PMP2: variants seen among roughly 807,000 people sequenced by gnomAD.
PMP2 encodes the protein peripheral myelin protein 2.
In PMP2, 11 loss-of-function variants were observed where a neutral mutation model predicts 15.9. The observed-to-expected ratio is 0.69, with a 90% CI of 0.44 to 1.14. The LOEUF (loss-of-function observed/expected upper bound fraction) is 1.14. Among genes scored for constraint, PMP2 ranks in the 50% most tolerant of loss-of-function variants. The pLI, the probability that PMP2 is intolerant of heterozygous loss-of-function variation, is 0.00. For synonymous variants in PMP2, 55 were observed against 54.1 expected, an observed-to-expected ratio of 1.02 and a Z score of -0.07; for missense variants, 151 against 154.0, an observed-to-expected ratio of 0.98 and a Z score of 0.10.
intron 3 of PMP2, among the ~76,000 whole-genome samples, chr8:81,443,700 A>G (rs1269802719): frequency 6.6e-6 from 1 of 152,166 alleles, no homozygotes; most frequent in Non-Finnish European, 1.5e-5. Context: ...TTGCATTTAA[A>G]TCTAATAAGA....
rs1193506905 is a variant in PMP2 at position 81,440,825 on chromosome 8, T to C, written c.*2573A>G. ...TGTTTCTGAATTTTTTGAGAGTAGA[T>C]TGCATACATTATGGCCCTTTACCTC... On this transcript the variant is annotated 3_prime_UTR_variant, in exon 4 of 4. Coordinates refer to ENST00000256103, the MANE Select transcript of PMP2 (RefSeq NM_002677.5). The C allele has an allele frequency of 6.6e-6, 1 of 152,238 alleles. No individual in the cohort carries two copies. Among genetic ancestry groups the C allele is most frequent in the East Asian group, 1.9e-4 (1 of 5,202 alleles). The allele number at this position is 152,238 out of a possible 1,614,324, so 9.4% of individuals were successfully genotyped here.
At chr8:81,444,080 G>T (rs1276663971) in intron 3 of PMP2, among the ~76,000 whole-genome samples, 1 of 152,078 alleles carries the variant, frequency 6.6e-6, no homozygotes, top group East Asian at 1.9e-4. Context: ...TTGATTCTAA[G>T]TTACTATGGG....
In PMP2 at chr8:81,443,198, G is replaced by A. The variant is rs1586350509; in HGVS notation, c.*200C>T. ...GTCTGGCCAATATATATGCTTTGAT[G>A]TAATAATGACATGCATGCACATTGA... On this transcript the variant is annotated 3_prime_UTR_variant, in exon 4 of 4. Coordinates refer to ENST00000256103, the MANE Select transcript of PMP2 (RefSeq NM_002677.5). 12 of 437,942 alleles carry A rather than the reference G, an allele frequency of 2.7e-5. No individual in the cohort carries two copies. In the East Asian group the frequency reaches 4.3e-4, roughly 16 times the overall value. The allele number at this position is 437,942 out of a possible 1,614,324, so 27.1% of individuals were successfully genotyped here.
In PMP2 at chr8:81,444,555, C is replaced by T. The variant is rs1807409837; in HGVS notation, c.293G>A (p.Trp98Ter). The T allele has an allele frequency of 4.3e-6, 7 of 1,613,898 alleles. No individual in the cohort carries two copies. Among genetic ancestry groups the T allele is most frequent in the Non-Finnish European group, 5.9e-6 (7 of 1,179,936 alleles). ...CTTTATGGTTGTCTCTTTGCCATCC[C>T]ATCTCTGCACTTGATTCAGTGATCC... ...QRGSLNQVQR[W>*]DGKETTIKRK... Residue 98 changes from tryptophan (W) to a stop codon, truncating the protein, a stop_gained, in exon 3 of 4, where the codon TGG becomes TAG. Transcript: ENST00000256103. LOFTEE classifies it high-confidence loss of function.
At chr8:81,447,251 A>G in intron 1 of PMP2, 63 bp downstream of exon 1, 6 of 1,275,422 alleles carry the variant, frequency 4.7e-6, no homozygotes, top group Non-Finnish European at 6.9e-6. Flanking sequence ...GTAGTAGATG[A>G]AAATGTCATG....
At position 81,440,985 on chromosome 8, in the gene PMP2, C is replaced by T. The variant is rs1438657010; in HGVS notation, c.*2413G>A. On this transcript the variant is annotated 3_prime_UTR_variant, in exon 4 of 4. Coordinates refer to ENST00000256103, the MANE Select transcript of PMP2 (RefSeq NM_002677.5). ...TTGTCCTTTGGAGCACTTATGTTAC[C>T]TCTGGTACAGAATCCAGTCTAGTAT... 1.3e-5 allele frequency: 2 copies of T among 152,242 alleles called. No individual in the cohort carries two copies. The highest frequency in any genetic ancestry group is 2.4e-5 in the African/African-American group (1 of 41,556). The allele number at this position is 152,242 out of a possible 1,614,324, so 9.4% of individuals were successfully genotyped here. A position where few individuals can be genotyped will look rare whatever the true frequency, so the allele number is the denominator to read the frequency against.
intron 1 of PMP2, among the ~76,000 whole-genome samples, chr8:81,446,168 T>G (rs1807446885): frequency 6.6e-6 from 1 of 152,232 alleles, no homozygotes; most frequent in African/African-American, 2.4e-5. Context: ...CTGATTAATC[T>G]TTTGTTATTT....
Position 81,441,313 on chromosome 8 carries a change from G to A in PMP2, c.*2085C>T, listed in dbSNP as rs1807328590. 1 of 152,082 alleles carries A rather than the reference G, an allele frequency of 6.6e-6. No homozygotes were observed. 9.4% of individuals were successfully genotyped at this position (152,082 alleles called of 1,614,324 possible). On this transcript the variant is annotated 3_prime_UTR_variant, in exon 4 of 4. Transcript: ENST00000256103. ...CCCAGAAACTAACAACAATCTGTGAGGAGATACTTTAAGCCCAGACTAATA... is the reference window on the plus strand; with the variant it reads ...CCCAGAAACTAACAACAATCTGTGAAGAGATACTTTAAGCCCAGACTAATA...
Position 81,441,098 on chromosome 8 carries a change from C to T in PMP2, c.*2300G>A, listed in dbSNP as rs969444542. 1 of 152,026 alleles carries T rather than the reference C, an allele frequency of 6.6e-6. No individual in the cohort carries two copies. Among genetic ancestry groups the T allele is most frequent in the Admixed American group, 6.5e-5 (1 of 15,274 alleles). The allele number at this position is 152,026 out of a possible 1,614,324, so 9.4% of individuals were successfully genotyped here. On this transcript the variant is annotated 3_prime_UTR_variant, in exon 4 of 4. Coordinates refer to ENST00000256103, the MANE Select transcript of PMP2 (RefSeq NM_002677.5). Reference sequence around the variant, plus strand: ...CTTTCTTTGTCTTCTATGACATTGACATTTTTGAAGAATTCAGTCAAAACC... The same window carrying T: ...CTTTCTTTGTCTTCTATGACATTGATATTTTTGAAGAATTCAGTCAAAACC...
At chr8:81,444,649 A>C (rs780095258) in intron 2 of PMP2, 48 bp from the exon 3 acceptor site, 1 of 1,528,674 alleles carries the variant, frequency 6.5e-7, no homozygotes, top group South Asian at 1.1e-5. Flanking sequence ...TTTGTTGATC[A>C]AAGAAGCAGT....
Position 81,443,306 on chromosome 8 carries a change from C to A in PMP2, c.*92G>T. 1.2e-6 allele frequency: 1 copy of A among 829,804 alleles called. No individual in the cohort carries two copies. The allele number at this position is 829,804 out of a possible 1,614,324, so 51.4% of individuals were successfully genotyped here. The stretch of plus-strand genomic sequence containing the variant: ...TGATATATTAAGACAAAAGCAAAAA[C>A]AAATATTTGCAGTGTATTCAGTTTT... On this transcript the variant is annotated 3_prime_UTR_variant, in exon 4 of 4. Transcript: ENST00000256103.
chr8:81,445,062 C>A, intron 1 of PMP2, 73 bp from the exon 2 acceptor site: 1 of 1,291,068 alleles, frequency 7.7e-7, no homozygotes, highest in East Asian at 2.3e-5. Flanking sequence ...TGGCCACATC[C>A]TACGCTCAGT....
In PMP2 at chr8:81,443,300, C is replaced by A; in HGVS notation, c.*98G>T. The A allele has an allele frequency of 1.2e-6, 1 of 803,388 alleles. No individual in the cohort carries two copies. The highest frequency in any genetic ancestry group is 2.0e-6 in the Non-Finnish European group (1 of 492,150). 49.8% of individuals were successfully genotyped at this position (803,388 alleles called of 1,614,324 possible). On this transcript the variant is annotated 3_prime_UTR_variant, in exon 4 of 4. Coordinates refer to ENST00000256103, the MANE Select transcript of PMP2 (RefSeq NM_002677.5). Reference sequence around the variant, plus strand: ...CATATCTGATATATTAAGACAAAAGCAAAAACAAATATTTGCAGTGTATTC... The same window carrying A: ...CATATCTGATATATTAAGACAAAAGAAAAAACAAATATTTGCAGTGTATTC...
intron 1 of PMP2, 80 bp downstream of exon 1, chr8:81,447,234 G>C (rs992565010): frequency 1.9e-6 from 2 of 1,046,330 alleles, no homozygotes; most frequent in East Asian, 4.8e-5. Context: ...CCAGTATCCT[G>C]TTAAAAGTAG....
At position 81,443,262 on chromosome 8, in the gene PMP2, G is replaced by C; in HGVS notation, c.*136C>G. The C allele has an allele frequency of 1.7e-6, 1 of 579,192 alleles. No homozygotes were observed. The highest frequency in any genetic ancestry group is 3.0e-6 in the Non-Finnish European group (1 of 330,388). The allele number at this position is 579,192 out of a possible 1,614,324, so 35.9% of individuals were successfully genotyped here. A position where few individuals can be genotyped will look rare whatever the true frequency, so the allele number is the denominator to read the frequency against. ...ACACTGACTTTTAGATTAATTCTCA[G>C]TTTAGGCCTTTGCATATCTGATATA... is the stretch of plus-strand genomic sequence containing the variant. On this transcript the variant is annotated 3_prime_UTR_variant, in exon 4 of 4. Transcript: ENST00000256103.
At position 81,442,633 on chromosome 8, in the gene PMP2, A is replaced by G. The variant is rs985503040; in HGVS notation, c.*765T>C. 6.6e-6 allele frequency: 1 copy of G among 152,340 alleles called. No homozygotes were observed. Among genetic ancestry groups the G allele is most frequent in the African/African-American group, 2.4e-5 (1 of 41,456 alleles). The allele number at this position is 152,340 out of a possible 1,614,324, so 9.4% of individuals were successfully genotyped here. The stretch of plus-strand genomic sequence containing the variant: ...GCAAACAGAAAAGAATGCATGATGT[A>G]CAATTCCCTTCATATGAGCAGGTAA... On this transcript the variant is annotated 3_prime_UTR_variant, in exon 4 of 4. Transcript: ENST00000256103.
chr8:81,445,176 A>G (rs535723908), intron 1 of PMP2, among the ~76,000 whole-genome samples, 187 bp from the exon 2 acceptor site: 2 of 151,530 alleles, frequency 1.3e-5, no homozygotes, highest in Admixed American at 1.3e-4. Context: ...CAAACATTTT[A>G]GGTTTTGTTG....
chr8:81,444,877 T>C lies in PMP2; in HGVS notation c.186A>G (p.Glu62=), dbSNP rs2229015. ...IRTESTFKNT[E]ISFKLGQEFE... is the part of the protein sequence containing the mutation. ...ATTCCTGGCCTAGCTTGAAGGAGAT[T>C]TCTGTATTTTTAAAGGTACTTTCAG... Residue 62 remains glutamate, a synonymous_variant, in exon 2 of 4, where the codon GAA becomes GAG. Transcript: ENST00000256103. The C allele has an allele frequency of 0.2, 318,489 of 1,611,968 alleles. 41,783 individuals are homozygous for C. Among genetic ancestry groups the C allele is most frequent in the East Asian group, 0.75 (33,567 of 44,862 alleles).
chr8:81,446,942 T>A (rs1301578091), intron 1 of PMP2, among the ~76,000 whole-genome samples: 1 of 152,240 alleles, frequency 6.6e-6, no homozygotes, highest in Non-Finnish European at 1.5e-5. Context: ...ATTCAATTCC[T>A]TATTTTATGA....
Sources: allele counts gnomAD v4.1 joint callset (sites outside exome capture counted in the v4.1 genomes callset), GRCh38; gene constraint gnomAD v4.1.1; transcripts MANE v1.5; gene names NCBI Gene and HGNC (gene_info 2026-07-23, HGNC 2026-07-21).